The following MBOAT2 variants were observed in gnomAD, a reference collection of about 807,000 sequenced individuals.
MBOAT2 encodes the protein membrane-bound glycerophospholipid O-acyltransferase 2.
A neutral mutation model predicts 63.4 loss-of-function variants in MBOAT2; 28 were observed. The observed-to-expected ratio is 0.44, with a 90% CI of 0.33 to 0.61. The LOEUF (loss-of-function observed/expected upper bound fraction) is 0.61. Ranked by LOEUF, MBOAT2 falls within the 20% of genes least tolerant of loss-of-function variation. The pLI is 0.03. For missense variants in MBOAT2, 470 were observed against 605.8 expected (o/e 0.78, Z 2.35); for synonymous variants, 211 against 215.6 (o/e 0.98, Z 0.19).
intron 3 of MBOAT2, among the ~76,000 whole-genome samples, chr2:8,937,921 C>T (rs1016396516): frequency 2.6e-5 from 4 of 152,140 alleles, no homozygotes; most frequent in South Asian, 2.1e-4. Flanking sequence ...CAGACCAAGA[C>T]GTAAACAAGC....
At chr2:8,987,496 C>A (rs988134697) in intron 1 of MBOAT2, among the ~76,000 whole-genome samples, 4 of 152,240 alleles carry the variant, frequency 2.6e-5, no homozygotes, top group Non-Finnish European at 4.4e-5. Flanking sequence ...AATGAAAACT[C>A]TGATGACCTA....
chr2:8,872,583 A>G (rs776850648), intron 8 of MBOAT2, among the ~76,000 whole-genome samples: 1 of 152,202 alleles, frequency 6.6e-6, no homozygotes, highest in Non-Finnish European at 1.5e-5. Flanking sequence ...TAACTGGCCC[A>G]CATTCAATTA....
intron 1 of MBOAT2, among the ~76,000 whole-genome samples, chr2:8,967,265 A>G (rs978225600): frequency 6.6e-6 from 1 of 152,228 alleles, no homozygotes; most frequent in Non-Finnish European, 1.5e-5. Context: ...TAATGTTTCT[A>G]CTTTTTGCCC....
intron 4 of MBOAT2, among the ~76,000 whole-genome samples, chr2:8,894,851 C>T (rs1253605056): frequency 2.6e-5 from 4 of 152,098 alleles, no homozygotes; most frequent in African/African-American, 9.7e-5. Flanking sequence ...AGTGTTACAG[C>T]TCTTAAAGGC....
At chr2:8,865,979 G>C (rs551696988) in intron 9 of MBOAT2, among the ~76,000 whole-genome samples, 14 of 152,270 alleles carry the variant, frequency 9.2e-5, no homozygotes, top group African/African-American at 3.1e-4. Context: ...AGAGGTTGCA[G>C]TGAACCGAAA....
In MBOAT2 at chr2:8,853,340, G is replaced by A. The variant is rs559054466; in HGVS notation, c.*5339C>T. 2 of 152,264 alleles carry A rather than the reference G, an allele frequency of 1.3e-5. No individual in the cohort carries two copies. Among genetic ancestry groups the A allele is most frequent in the Admixed American group, 1.3e-4 (2 of 15,294 alleles). The allele number at this position is 152,264 out of a possible 1,614,324, so 9.4% of individuals were successfully genotyped here. ...AAGCCAGAGGCAAATGTACTTCATT[G>A]ATAAATCTGTGTGCGCAGAACCAAA... On this transcript the variant is annotated 3_prime_UTR_variant, in exon 13 of 13. Transcript: ENST00000305997.
At chr2:8,929,200 C>T (rs938294042) in intron 3 of MBOAT2, among the ~76,000 whole-genome samples, 1 of 152,130 alleles carries the variant, frequency 6.6e-6, no homozygotes, top group Non-Finnish European at 1.5e-5. Context: ...TCTGGTATAA[C>T]CCTTTACTTC....
At chr2:8,970,051 A>C (rs1483164667) in intron 1 of MBOAT2, among the ~76,000 whole-genome samples, 2 of 152,228 alleles carry the variant, frequency 1.3e-5, no homozygotes. Context: ...CTCCACCCCA[A>C]ATCAAAAGAA....
At chr2:8,944,837 C>T (rs1668302287) in intron 2 of MBOAT2, among the ~76,000 whole-genome samples, 1 of 152,150 alleles carries the variant, frequency 6.6e-6, no homozygotes, top group South Asian at 2.1e-4. Flanking sequence ...GTGTTGCCAA[C>T]ACTAGCAATT....
intron 1 of MBOAT2, among the ~76,000 whole-genome samples, chr2:8,964,902 A>G (rs6755116): frequency 1.1e-3 from 166 of 152,212 alleles, no homozygotes; most frequent in African/African-American, 3.0e-3. Flanking sequence ...TCCTTTGCCC[A>G]TTATTCTATC....
At chr2:8,982,224 T>C (rs891586126) in intron 1 of MBOAT2, among the ~76,000 whole-genome samples, 2 of 152,152 alleles carry the variant, frequency 1.3e-5, no homozygotes, top group Non-Finnish European at 2.9e-5. Context: ...ATTTACAGCA[T>C]AGGAAAGTTT....
At chr2:8,975,555 A>G (rs2103321984) in intron 1 of MBOAT2, among the ~76,000 whole-genome samples, 1 of 152,234 alleles carries the variant, frequency 6.6e-6, no homozygotes, top group South Asian at 2.1e-4. Flanking sequence ...AATCAAGGGG[A>G]GCAGACTAAT....
At chr2:8,996,097 G>A (rs1220507108) in intron 1 of MBOAT2, among the ~76,000 whole-genome samples, 1 of 152,168 alleles carries the variant, frequency 6.6e-6, no homozygotes, top group African/African-American at 2.4e-5. Flanking sequence ...GACACAGGTG[G>A]TCTCAGAGCC....
intron 1 of MBOAT2, among the ~76,000 whole-genome samples, chr2:8,992,779 G>C (rs1004983468): frequency 6.6e-6 from 1 of 152,256 alleles, no homozygotes; most frequent in Non-Finnish European, 1.5e-5. Flanking sequence ...ATGCTGGTCA[G>C]AGCTTGGGAC....
intron 6 of MBOAT2, among the ~76,000 whole-genome samples, chr2:8,879,896 G>A (rs571817182): frequency 1.3e-5 from 2 of 152,222 alleles, no homozygotes; most frequent in Admixed American, 6.5e-5. Flanking sequence ...AAAACAAAGC[G>A]GAGCAAAGGG....
At chr2:8,983,400 T>C (rs552837965) in intron 1 of MBOAT2, among the ~76,000 whole-genome samples, 1 of 152,090 alleles carries the variant, frequency 6.6e-6, no homozygotes, top group Non-Finnish European at 1.5e-5. Context: ...ACGAAACACT[T>C]TGGAATTTAA....
chr2:8,864,232 C>A lies in MBOAT2; in HGVS notation c.990G>T (p.Met330Ile). Residue 330 changes from methionine to isoleucine, a missense_variant and splice_region_variant, in exon 10 of 13, where the codon ATG becomes ATT. Physicochemically the swap from Met to Ile is conservative, Grantham distance 10. Around this residue, in one of 3 missense-constraint regions of MBOAT2, gnomAD observed 376 missense variants for 503.8 expected, o/e 0.75. Transcript: ENST00000305997. The stretch of plus-strand genomic sequence containing the variant: ...CAAGAAACATCTTGAAACTTGTTGA[C>A]ATCTGAAAAAAAAGGAAACTTTTTT... ...ISNLRIQQIE[M>I]STSFKMFLDN... The A allele has an allele frequency of 6.4e-7, 1 of 1,557,580 alleles. No homozygotes were observed. Among genetic ancestry groups the A allele is most frequent in the Admixed American group, 2.1e-5 (1 of 48,220 alleles).
chr2:8,972,956 T>G (rs1159044760), intron 1 of MBOAT2, among the ~76,000 whole-genome samples: 1 of 152,194 alleles, frequency 6.6e-6, no homozygotes, highest in Admixed American at 6.5e-5. Context: ...TGGAAGACAA[T>G]GTGACGATTC....
intron 1 of MBOAT2, among the ~76,000 whole-genome samples, chr2:8,991,603 T>C (rs1247843601): frequency 1.3e-5 from 2 of 152,196 alleles, no homozygotes; most frequent in African/African-American, 4.8e-5. Context: ...ATAATCTCAT[T>C]TGTCAATGTT....
Sources: allele counts gnomAD v4.1 joint callset (sites outside exome capture counted in the v4.1 genomes callset), GRCh38; gene constraint gnomAD v4.1.1; regional missense constraint gnomAD v4.1.1; transcripts MANE v1.5; gene names NCBI Gene and HGNC (gene_info 2026-07-23, HGNC 2026-07-21).